LRP1B: variants seen among roughly 807,000 people sequenced by gnomAD.
The protein encoded by LRP1B is LDL receptor related protein 1B, also known as low-density lipoprotein receptor-related protein 1B.
In LRP1B, 217 loss-of-function variants were observed where a neutral mutation model predicts 556.6. The observed-to-expected ratio is 0.39, with a 90% CI of 0.35 to 0.44. The LOEUF (loss-of-function observed/expected upper bound fraction) is 0.44. Ranked by LOEUF, LRP1B falls within the 20% of genes least tolerant of loss-of-function variation. The pLI, the probability that LRP1B is intolerant of heterozygous loss-of-function variation, is 1.00. For synonymous variants in LRP1B, 2,047 were observed against 1,865.8 expected, an observed-to-expected ratio of 1.10 and a Z score of -2.50; for missense variants, 5,053 against 5,620.8, an observed-to-expected ratio of 0.90 and a Z score of 3.23.
intron 27 of LRP1B, among the ~76,000 whole-genome samples, chr2:140,852,438 C>T (rs1692488497): frequency 6.6e-6 from 1 of 152,168 alleles, no homozygotes; most frequent in Non-Finnish European, 1.5e-5. Flanking sequence ...GACTATAACC[C>T]AGACATTGGA....
chr2:141,403,840 G>A (rs957106414), intron 3 of LRP1B, among the ~76,000 whole-genome samples: 6 of 152,100 alleles, frequency 3.9e-5, no homozygotes, highest in African/African-American at 1.4e-4. Context: ...TGTATAGACA[G>A]ACTTCAAGGC....
Position 140,232,728 on chromosome 2 carries a change from AAGAAG to A in LRP1B, c.*453_*457del, listed in dbSNP as rs1163758954. The stretch of plus-strand genomic sequence containing the variant: ...GTCTGAATCGATCTTTATGGGCACA[AAGAAG>A]AGAGTTGACCATTCAATCATTTTTC... On this transcript the variant is annotated 3_prime_UTR_variant, in exon 91 of 91. Transcript: ENST00000389484. 6.6e-6 allele frequency: 1 copy of A among 151,848 alleles called. No homozygotes were observed. The highest frequency in any genetic ancestry group is 2.0e-4 in the East Asian group (1 of 5,124). 9.4% of individuals were successfully genotyped at this position (151,848 alleles called of 1,614,324 possible).
chr2:140,746,554 C>T (rs906166915), intron 35 of LRP1B, among the ~76,000 whole-genome samples: 1 of 152,140 alleles, frequency 6.6e-6, no homozygotes, highest in Admixed American at 6.5e-5. Flanking sequence ...CACTGATAAG[C>T]TAGAAATGAT....
intron 2 of LRP1B, among the ~76,000 whole-genome samples, chr2:141,725,552 C>G (rs564854377): frequency 6.6e-6 from 1 of 151,754 alleles, no homozygotes; most frequent in African/African-American, 2.4e-5. Context: ...TTTTATTAGT[C>G]GTTGTGGGTA....
intron 5 of LRP1B, among the ~76,000 whole-genome samples, chr2:141,235,559 C>G (rs1205145766): frequency 2.0e-5 from 3 of 151,906 alleles, no homozygotes; most frequent in Admixed American, 2.0e-4. Flanking sequence ...AAAAGAAAGT[C>G]AAGCAAAAGA....
chr2:140,983,687 C>T (rs1226713298), intron 17 of LRP1B, among the ~76,000 whole-genome samples: 3 of 151,922 alleles, frequency 2.0e-5, no homozygotes, highest in Non-Finnish European at 2.9e-5. Context: ...AATTTACTGG[C>T]TTGGTTTGAT....
chr2:140,925,116 T>C (rs1051934752), intron 20 of LRP1B, among the ~76,000 whole-genome samples: 1 of 152,112 alleles, frequency 6.6e-6, no homozygotes, highest in African/African-American at 2.4e-5. Flanking sequence ...AGGATGTGCA[T>C]AGGTTATATG....
intron 6 of LRP1B, among the ~76,000 whole-genome samples, chr2:141,199,498 T>C (rs1436765550): frequency 6.6e-6 from 1 of 152,138 alleles, no homozygotes; most frequent in East Asian, 1.9e-4. Context: ...AAGTCTTTAA[T>C]ATGAACTACA....
At chr2:140,566,964 C>T (rs534999775) in intron 43 of LRP1B, among the ~76,000 whole-genome samples, 3 of 152,232 alleles carry the variant, frequency 2.0e-5, no homozygotes, top group Non-Finnish European at 4.4e-5. Flanking sequence ...CCCTCACCCC[C>T]GATCCTGAGC....
At chr2:141,619,692 A>G (rs953991796) in intron 2 of LRP1B, among the ~76,000 whole-genome samples, 2 of 152,224 alleles carry the variant, frequency 1.3e-5, no homozygotes. Flanking sequence ...CAAGAGTAGC[A>G]AAACAGCAAC....
At chr2:141,215,257 C>A (rs1224263471) in intron 6 of LRP1B, among the ~76,000 whole-genome samples, 1 of 152,206 alleles carries the variant, frequency 6.6e-6, no homozygotes, top group East Asian at 1.9e-4. Flanking sequence ...CTTCCTGAGA[C>A]CTCCCCAGAA....
intron 31 of LRP1B, among the ~76,000 whole-genome samples, chr2:140,814,820 A>G (rs1339942384): frequency 4.6e-5 from 7 of 152,192 alleles, no homozygotes. Flanking sequence ...ACAGTGTGTC[A>G]CGGAGGTAAG....
chr2:141,269,647 T>C (rs1461548042), intron 3 of LRP1B, among the ~76,000 whole-genome samples: 1 of 152,094 alleles, frequency 6.6e-6, no homozygotes, highest in Non-Finnish European at 1.5e-5. Context: ...AACAATTAAA[T>C]ATGCAAACAA....
At chr2:140,323,392 G>GAATGATAGTTACTTGT (rs1308229045) in intron 81 of LRP1B, among the ~76,000 whole-genome samples, 1 of 151,792 alleles carries the variant, frequency 6.6e-6, no homozygotes, top group Non-Finnish European at 1.5e-5. Context: ...ATATATTTAA[G>GAATGATAGTTACTTGT]AATGATAGTT....
At chr2:140,639,190 A>T (rs1412231342) in intron 41 of LRP1B, among the ~76,000 whole-genome samples, 1 of 152,228 alleles carries the variant, frequency 6.6e-6, no homozygotes, top group Non-Finnish European at 1.5e-5. Flanking sequence ...CGTTGTGATA[A>T]TCATAATGTA....
intron 18 of LRP1B, among the ~76,000 whole-genome samples, chr2:140,973,058 ATATAT>A: frequency 3.5e-5 from 1 of 28,502 alleles, no homozygotes; most frequent in Admixed American, 5.7e-4. Flanking sequence ...CATTTTATAT[ATATAT>A]ATATATATAT....
chr2:140,345,174 G>A (rs547625343), intron 77 of LRP1B, among the ~76,000 whole-genome samples: 5 of 151,630 alleles, frequency 3.3e-5, no homozygotes, highest in East Asian at 2.0e-4. Context: ...GTACTCTCCC[G>A]ATTGTAACAA....
chr2:141,916,201 A>G (rs749298689), intron 1 of LRP1B, among the ~76,000 whole-genome samples: 1 of 152,164 alleles, frequency 6.6e-6, no homozygotes, highest in Non-Finnish European at 1.5e-5. Context: ...GGATTGGATA[A>G]AGAAAATGTG....
intron 7 of LRP1B, among the ~76,000 whole-genome samples, chr2:141,147,398 T>C (rs1019112771): frequency 6.6e-6 from 1 of 152,208 alleles, no homozygotes; most frequent in East Asian, 1.9e-4. Flanking sequence ...TCTTGTCCTT[T>C]ATAGTCCAAC....
Sources: gnomAD v4.1 joint callset for allele counts (sites outside exome capture counted in the v4.1 genomes callset) on GRCh38, gnomAD v4.1.1 for gene constraint, MANE v1.5 for transcripts, NCBI Gene and HGNC (gene_info 2026-07-23, HGNC 2026-07-21) for gene names.